Variants in RBFOX1 observed in about 807,000 individuals in gnomAD.
The protein encoded by RBFOX1 is RNA binding protein fox-1 homolog 1.
In RBFOX1, 8 loss-of-function variants were observed where a neutral mutation model predicts 57.7. The observed-to-expected ratio is 0.14, with a 90% CI of 0.08 to 0.25. The LOEUF (loss-of-function observed/expected upper bound fraction) is 0.25, where lower values mean the gene tolerates loss of function less well. RBFOX1 is among the 10% of genes least tolerant of loss of function. RBFOX1 has a pLI of 1.00. For missense variants in RBFOX1, 611 were observed against 548.5 expected (o/e 1.11, Z -1.14); for synonymous variants, 326 against 222.4 (o/e 1.47, Z -4.15).
intron 3 of RBFOX1, among the ~76,000 whole-genome samples, chr16:5,624,357 A>G (rs932527207): frequency 2.0e-5 from 3 of 152,096 alleles, no homozygotes; most frequent in Non-Finnish European, 2.9e-5. Context: ...ACCGTGCCCA[A>G]CTAATTTTTT....
At chr16:5,327,908 G>T (rs973656241) in intron 1 of RBFOX1, among the ~76,000 whole-genome samples, 14 of 152,142 alleles carry the variant, frequency 9.2e-5, no homozygotes, top group African/African-American at 3.4e-4. Flanking sequence ...GCTTAAAAAT[G>T]GTTGTATCCC....
At position 6,825,830 on chromosome 16, in the gene RBFOX1, C is replaced by T. The variant is rs567375619; in HGVS notation, c.-16+171180C>T. ...GGCAGCGATCCTGCACAGGAACTTG[C>T]ATCTTCCATCCGGAAGGAGGAATGA... On this transcript the variant is annotated intron_variant, in intron 3 of 15. Transcript: ENST00000550418. Among the ~76,000 whole-genome samples, 10 of 152,292 alleles carry T rather than the reference C, an allele frequency of 6.6e-5. No homozygotes were observed. The South Asian group carries it at 1.9e-3, about 28-fold the overall frequency.
At chr16:5,967,496 G>C (rs1473852385) in intron 4 of RBFOX1, among the ~76,000 whole-genome samples, 1 of 152,102 alleles carries the variant, frequency 6.6e-6, no homozygotes, top group Non-Finnish European at 1.5e-5. Flanking sequence ...ACCATAATCT[G>C]AGTGCTAGAG....
chr16:5,738,890 C>T (rs1317485641), intron 3 of RBFOX1, among the ~76,000 whole-genome samples: 1 of 152,126 alleles, frequency 6.6e-6, no homozygotes, highest in Non-Finnish European at 1.5e-5. Flanking sequence ...AACATTGATG[C>T]AAACAACCAG....
At chr16:6,645,924 C>T (rs971120954) in intron 2 of RBFOX1, among the ~76,000 whole-genome samples, 3 of 152,082 alleles carry the variant, frequency 2.0e-5, no homozygotes, top group African/African-American at 4.8e-5. Flanking sequence ...TGGTTGAGTC[C>T]GGTAGGATAA....
chr16:6,689,357 C>T (rs1568225128), intron 3 of RBFOX1, among the ~76,000 whole-genome samples: 1 of 152,144 alleles, frequency 6.6e-6, no homozygotes, highest in South Asian at 2.1e-4. Context: ...TCTTCACCTC[C>T]ACATATATTA....
At chr16:7,059,659 T>G (rs897137590) in intron 4 of RBFOX1, among the ~76,000 whole-genome samples, 3 of 152,182 alleles carry the variant, frequency 2.0e-5, no homozygotes, top group African/African-American at 7.2e-5. Flanking sequence ...ACGTACCAGA[T>G]TAATACATAC....
chr16:7,466,794 T>C (rs2060600546), intron 4 of RBFOX1, among the ~76,000 whole-genome samples: 1 of 152,212 alleles, frequency 6.6e-6, no homozygotes, highest in African/African-American at 2.4e-5. Context: ...CAAGCTGCTC[T>C]GATTATATAC....
At chr16:5,341,995 T>G (rs2065043295) in intron 1 of RBFOX1, among the ~76,000 whole-genome samples, 1 of 152,148 alleles carries the variant, frequency 6.6e-6, no homozygotes, top group Non-Finnish European at 1.5e-5. Context: ...CATGTCAAGT[T>G]TGTTCCCCTC....
intron 3 of RBFOX1, among the ~76,000 whole-genome samples, chr16:5,771,088 A>G (rs1033682806): frequency 6.6e-6 from 1 of 152,214 alleles, no homozygotes; most frequent in African/African-American, 2.4e-5. Flanking sequence ...CATAAACTGC[A>G]TTTTAAACTG....
chr16:5,296,642 G>A (rs2063675924), intron 1 of RBFOX1, among the ~76,000 whole-genome samples: 1 of 149,708 alleles, frequency 6.7e-6, no homozygotes, highest in Admixed American at 6.6e-5. Context: ...TTCCCCTCCT[G>A]CTGCTCCTGC....
rs781491320 is a variant in RBFOX1 at position 6,912,184 on chromosome 16, C to G, written c.-15-139873C>G. On this transcript the variant is annotated intron_variant, in intron 3 of 15. Coordinates refer to ENST00000550418, the MANE Select transcript of RBFOX1 (RefSeq NM_018723.4). ...AAAGAATGAGGTAAATAATCTGAAA[C>G]TTAAATTCCCACGTGGAGTAATTTC... is the stretch of plus-strand genomic sequence containing the variant. 9.3e-4 allele frequency among the ~76,000 whole-genome samples: 141 copies of G among 152,312 alleles called. 1 individual carries two copies. Among genetic ancestry groups the G allele is most frequent in the Non-Finnish European group, 1.0e-3 (69 of 68,028 alleles).
At chr16:6,458,701 G>A (rs934354144) in intron 2 of RBFOX1, among the ~76,000 whole-genome samples, 2 of 152,220 alleles carry the variant, frequency 1.3e-5, no homozygotes, top group Non-Finnish European at 2.9e-5. Context: ...AGTGGCCAGT[G>A]CTATGCTCAT....
At chr16:7,443,310 G>T (rs1035254718) in intron 4 of RBFOX1, among the ~76,000 whole-genome samples, 2 of 152,024 alleles carry the variant, frequency 1.3e-5, no homozygotes, top group African/African-American at 2.4e-5. Context: ...GAAAATGCTT[G>T]ATCAGCAGCC....
chr16:6,172,853 G>C (rs1432181468), intron 1 of RBFOX1, among the ~76,000 whole-genome samples: 2 of 152,150 alleles, frequency 1.3e-5, no homozygotes, highest in Non-Finnish European at 2.9e-5. Context: ...TTTACAGTTT[G>C]AGTGGTCAGA....
chr16:6,601,279 G>A (rs1002539774), intron 2 of RBFOX1, among the ~76,000 whole-genome samples: 1 of 152,108 alleles, frequency 6.6e-6, no homozygotes, highest in Admixed American at 6.5e-5. Context: ...TAATTAGAAA[G>A]ATACGGCTCT....
chr16:6,497,942 C>G (rs920181308), intron 2 of RBFOX1, among the ~76,000 whole-genome samples: 4 of 152,064 alleles, frequency 2.6e-5, no homozygotes, highest in Non-Finnish European at 5.9e-5. Context: ...ATCACTGTTA[C>G]CCATGTCAAA....
chr16:7,464,293 C>T (rs528608060), intron 4 of RBFOX1, among the ~76,000 whole-genome samples: 4 of 152,292 alleles, frequency 2.6e-5, no homozygotes, highest in African/African-American at 7.2e-5. Flanking sequence ...GAGCCAGTGA[C>T]ATTAGTCACA....
intron 2 of RBFOX1, among the ~76,000 whole-genome samples, chr16:5,479,338 T>G (rs375854550): frequency 6.6e-6 from 1 of 152,276 alleles, no homozygotes; most frequent in South Asian, 2.1e-4. Context: ...AGAAGTCAGG[T>G]GATTTGCCTG....
Sources: allele counts gnomAD v4.1 joint callset (sites outside exome capture counted in the v4.1 genomes callset), GRCh38; gene constraint gnomAD v4.1.1; transcripts MANE v1.5; gene names NCBI Gene and HGNC (gene_info 2026-07-23, HGNC 2026-07-21).